MDGA2: variants seen among roughly 807,000 people sequenced by gnomAD.
MDGA2 encodes the protein MAM domain-containing glycosylphosphatidylinositol anchor protein 2.
In MDGA2, 40 loss-of-function variants were observed where a neutral mutation model predicts 117.8. That is an observed-to-expected ratio of 0.34 (90% CI 0.26 to 0.44). The LOEUF is 0.44. Among genes scored for constraint, MDGA2 ranks in the 20% least tolerant of loss-of-function variants. MDGA2 has a pLI of 1.00. For synonymous variants in MDGA2, 452 were observed against 439.0 expected (o/e 1.03, Z -0.37); for missense variants, 1,123 against 1,250.6 (o/e 0.90, Z 1.54).
At chr14:47,569,780 A>G (rs1200704301) in intron 1 of MDGA2, among the ~76,000 whole-genome samples, 1 of 152,256 alleles carries the variant, frequency 6.6e-6, no homozygotes, top group Non-Finnish European at 1.5e-5. Flanking sequence ...AGTATATTTC[A>G]GGTACAGATT....
At chr14:47,434,547 T>C (rs891024357) in intron 1 of MDGA2, among the ~76,000 whole-genome samples, 1 of 152,106 alleles carries the variant, frequency 6.6e-6, no homozygotes. Flanking sequence ...TCATTCTCAG[T>C]GTGTATGTAA....
chr14:47,358,814 GACAC>G (rs1349168538), intron 1 of MDGA2, among the ~76,000 whole-genome samples: 1 of 152,144 alleles, frequency 6.6e-6, no homozygotes, highest in Non-Finnish European at 1.5e-5. Context: ...AATTGGAGAA[GACAC>G]AAATATGTGG....
chr14:47,540,563 T>TATATATATACACACACACAC, intron 1 of MDGA2, among the ~76,000 whole-genome samples: 1 of 112,544 alleles, frequency 8.9e-6, no homozygotes, highest in African/African-American at 2.9e-5. Context: ...TGTATATATA[T>TATATATATACACACACACAC]ACACACACAC....
chr14:47,626,684 G>A (rs1897149596), intron 1 of MDGA2, among the ~76,000 whole-genome samples: 1 of 152,162 alleles, frequency 6.6e-6, no homozygotes, highest in Non-Finnish European at 1.5e-5. Context: ...CGGGCGGTGA[G>A]GGGCTTAGCA....
chr14:47,383,887 G>A (rs902019118), intron 1 of MDGA2, among the ~76,000 whole-genome samples: 15 of 152,030 alleles, frequency 9.9e-5, no homozygotes, highest in African/African-American at 3.6e-4. Context: ...TGACGATTTT[G>A]ATCATGCCTG....
At chr14:47,019,833 C>G (rs1403746315) in intron 8 of MDGA2, among the ~76,000 whole-genome samples, 1 of 140,626 alleles carries the variant, frequency 7.1e-6, no homozygotes, top group Admixed American at 7.2e-5. Context: ...AGCGAGAGTC[C>G]GTCTCAAAAA....
chr14:46,841,965 A>G lies in MDGA2; in HGVS notation c.3044T>C (p.Ile1015Thr). 6.2e-7 allele frequency: 1 copy of G among 1,612,992 alleles called. No homozygotes were observed. Among genetic ancestry groups the G allele is most frequent in the Non-Finnish European group, 8.5e-7 (1 of 1,179,258 alleles). ...ILVHIWLFPI[I>T]VLISILSPRR Reference sequence around the variant, plus strand: ...AGGACTTAAGATAGAGATGAGGACGATAATGGGAAAAAGCCATATATGAAC... The same window carrying G: ...AGGACTTAAGATAGAGATGAGGACGGTAATGGGAAAAAGCCATATATGAAC... Residue 1015 changes from isoleucine (I) to threonine (T), a missense_variant, in exon 17 of 17, where the codon ATC becomes ACC. Physicochemically the swap from Ile to Thr is moderately conservative, Grantham distance 89. This residue lies in a region of MDGA2 where 890 missense variants were observed against 1,050.3 expected (regional missense o/e 0.85). Transcript: ENST00000399232.
chr14:47,341,038 A>T (rs552360100), intron 1 of MDGA2, among the ~76,000 whole-genome samples: 1 of 152,144 alleles, frequency 6.6e-6, no homozygotes, highest in African/African-American at 2.4e-5. Context: ...ATTCTGAATG[A>T]AGGCCTTATC....
intron 8 of MDGA2, among the ~76,000 whole-genome samples, chr14:47,003,880 T>C (rs1887620989): frequency 6.6e-6 from 1 of 151,846 alleles, no homozygotes; most frequent in African/African-American, 2.4e-5. Context: ...AAAATATTTG[T>C]GACCTCAGAT....
intron 1 of MDGA2, among the ~76,000 whole-genome samples, chr14:47,456,992 C>G (rs915358959): frequency 3.3e-5 from 5 of 151,860 alleles, no homozygotes; most frequent in African/African-American, 1.2e-4. Context: ...TCTTTAGAAC[C>G]AAAGCTGACA....
Position 47,454,680 on chromosome 14 carries a change from C to A in MDGA2, c.281-153130G>T, listed in dbSNP as rs115805739. 3.5e-3 allele frequency among the ~76,000 whole-genome samples: 532 copies of A among 152,194 alleles called. 4 individuals carry two copies. The highest frequency in any genetic ancestry group is 0.012 in the African/African-American group (511 of 41,528). ...GTGGTGGTGTCTTGATAAAAAGATT[C>A]TGTTTGAGATGTTAGCTTATGGGCA... is the stretch of plus-strand genomic sequence containing the variant. On this transcript the variant is annotated intron_variant, in intron 1 of 16. Coordinates refer to ENST00000399232, the MANE Select transcript of MDGA2 (RefSeq NM_001113498.3).
intron 1 of MDGA2, among the ~76,000 whole-genome samples, chr14:47,479,749 A>G (rs924759665): frequency 7.1e-6 from 1 of 141,404 alleles, no homozygotes; most frequent in African/African-American, 2.5e-5. Context: ...ATGAGTAAGG[A>G]AAAAAAAAAC....
intron 1 of MDGA2, among the ~76,000 whole-genome samples, chr14:47,636,341 T>C (rs192439178): frequency 2.0e-5 from 3 of 152,290 alleles, no homozygotes; most frequent in East Asian, 3.9e-4. Context: ...AGCTGTCTAA[T>C]TGTGCCTTCA....
At chr14:47,142,055 A>C (rs1882743419) in intron 4 of MDGA2, among the ~76,000 whole-genome samples, 1 of 152,222 alleles carries the variant, frequency 6.6e-6, no homozygotes, top group South Asian at 2.1e-4. Flanking sequence ...ATTTAAAATA[A>C]ATTCCTAAAT....
chr14:47,422,792 T>C (rs546989705), intron 1 of MDGA2, among the ~76,000 whole-genome samples: 147 of 152,302 alleles, frequency 9.7e-4, no homozygotes, highest in Non-Finnish European at 8.4e-4. Context: ...AAAGCCACAA[T>C]ACATGTCTCT....
chr14:47,169,027 G>C (rs1368801699), intron 3 of MDGA2, among the ~76,000 whole-genome samples: 2 of 151,982 alleles, frequency 1.3e-5, no homozygotes, highest in African/African-American at 4.8e-5. Flanking sequence ...TAGATAGATA[G>C]ATAGAAATTT....
chr14:47,031,449 GA>G (rs1470552620), intron 8 of MDGA2, among the ~76,000 whole-genome samples: 1 of 152,048 alleles, frequency 6.6e-6, no homozygotes, highest in East Asian at 1.9e-4. Flanking sequence ...CTTAAAAGAT[GA>G]AATTATACAT....
intron 1 of MDGA2, among the ~76,000 whole-genome samples, chr14:47,580,229 G>C (rs548996526): frequency 6.6e-6 from 1 of 151,990 alleles, no homozygotes; most frequent in Non-Finnish European, 1.5e-5. Context: ...CTGAGGCAGG[G>C]AAGTCCAAGA....
intron 1 of MDGA2, among the ~76,000 whole-genome samples, chr14:47,438,041 C>T (rs533397043): frequency 2.0e-5 from 3 of 152,200 alleles, no homozygotes; most frequent in Admixed American, 1.3e-4. Context: ...ATGTATTTCT[C>T]AAGACCTCAT....
Sources: gnomAD v4.1 joint callset for allele counts (sites outside exome capture counted in the v4.1 genomes callset) on GRCh38, gnomAD v4.1.1 for gene constraint, gnomAD v4.1.1 regional missense constraint, MANE v1.5 for transcripts, NCBI Gene and HGNC (gene_info 2026-07-23, HGNC 2026-07-21) for gene names.